The following GAS1 variants were observed in gnomAD, a reference collection of about 807,000 sequenced individuals.
GAS1 encodes growth arrest-specific protein 1.
In GAS1, 10 loss-of-function variants were observed where a neutral mutation model predicts 21.6. That is an observed-to-expected ratio of 0.46 (90% CI 0.29 to 0.79). GAS1 has a LOEUF of 0.79. Among genes scored for constraint, GAS1 ranks in the 30% least tolerant of loss-of-function variants. The pLI is 0.10. For missense variants in GAS1, 567 were observed against 544.3 expected (o/e 1.04, Z -0.42); for synonymous variants, 332 against 264.0 (o/e 1.26, Z -2.50).
rs1464187677 is a variant in GAS1 at position 86,945,873 on chromosome 9, A to C, written c.907T>G (p.Ser303Ala). Residue 303 changes from serine (S) to alanine (A), a missense_variant, in exon 1 of 1, where the codon TCG becomes GCG. By Grantham distance (99) the Ser-to-Ala change is moderately conservative. Coordinates refer to ENST00000298743, the MANE Select transcript of GAS1 (RefSeq NM_002048.3). Reference sequence around the variant, plus strand: ...TAGGGCAGGTCCCCGCGGCCGCCCGATGCAGCAGCGCCGCTGCCCGGGCGC... The same window carrying C: ...TAGGGCAGGTCCCCGCGGCCGCCCGCTGCAGCAGCGCCGCTGCCCGGGCGC... ...PPRPGSGAAA[S>A]GGRGDLPYGP... 1 of 1,491,582 alleles carries C rather than the reference A, an allele frequency of 6.7e-7. No homozygotes were observed. The highest frequency in any genetic ancestry group is 1.5e-5 in the African/African-American group (1 of 68,502). The allele number at this position is 1,491,582 out of a possible 1,614,324, so 92.4% of individuals were successfully genotyped here.
Position 86,946,517 on chromosome 9 carries a change from G to A in GAS1, c.263C>T (p.Ala88Val). The change falls in exon 1 of 1, where the codon GCC (alanine) becomes GTC (valine). Residue 88 changes from alanine (A) to valine (V), a missense_variant. Ala to Val is a moderately conservative substitution (Grantham distance 64, BLOSUM62 0). Transcript: ENST00000298743. This position sits in a 1 kb window ranked among gnomAD's most constrained non-coding sequence, Gnocchi z 5.2. Reference protein sequence around the residue: ...QHGGGDAPGAAAAAFPASAAS... With the variant: ...QHGGGDAPGAVAAAFPASAAS... ...GGCCGAGGCCGGGAAAGCGGCGGCGGCGGCCCCGGGCGCGTCGCCCCCGCC... is the reference window on the plus strand; with the variant it reads ...GGCCGAGGCCGGGAAAGCGGCGGCGACGGCCCCGGGCGCGTCGCCCCCGCC... 2 of 1,428,760 alleles carry A rather than the reference G, an allele frequency of 1.4e-6. No individual in the cohort carries two copies. Among genetic ancestry groups the A allele is most frequent in the Non-Finnish European group, 1.8e-6 (2 of 1,093,098 alleles). 88.5% of individuals were successfully genotyped at this position (1,428,760 alleles called of 1,614,324 possible). A position where few individuals can be genotyped will look rare whatever the true frequency, so the allele number is the denominator to read the frequency against.
At position 86,944,919 on chromosome 9, in the gene GAS1, A is replaced by T. The variant is rs1402920321; in HGVS notation, c.*823T>A. 1 of 152,194 alleles carries T rather than the reference A, an allele frequency of 6.6e-6. No homozygotes were observed. Among genetic ancestry groups the T allele is most frequent in the East Asian group, 1.9e-4 (1 of 5,192 alleles). 9.4% of individuals were successfully genotyped at this position (152,194 alleles called of 1,614,324 possible). ...CTTGATGTAAAGAACAAAAATGACA[A>T]AAAAACAAACATCATAAAGAGACTT... On this transcript the variant is annotated 3_prime_UTR_variant, in exon 1 of 1. Coordinates refer to ENST00000298743, the MANE Select transcript of GAS1 (RefSeq NM_002048.3).
chr9:86,945,919 G>A lies in GAS1; in HGVS notation c.861C>T (p.Asp287=). The change falls in exon 1 of 1, where the codon GAC becomes GAT. Residue 287 remains aspartate, a synonymous_variant. Transcript: ENST00000298743. ...GAGGEQPLDD[D]DGVPHPPRPG... is the part of the protein sequence containing the mutation. Reference sequence around the variant, plus strand: ...GGCGCGGTGGGTGCGGGACGCCGTCGTCGTCGTCCAGCGGCTGCTCACCAC... The same window carrying A: ...GGCGCGGTGGGTGCGGGACGCCGTCATCGTCGTCCAGCGGCTGCTCACCAC... 1.9e-6 allele frequency: 3 copies of A among 1,569,896 alleles called. No homozygotes were observed. Among genetic ancestry groups the A allele is most frequent in the South Asian group, 1.2e-5 (1 of 85,978 alleles).
rs1825504159 is a variant in GAS1 at position 86,946,750 on chromosome 9, G to A, written c.30C>T (p.Gly10=). MVAALLGGG[G]EARGGTVPGA... Reference sequence around the variant, plus strand: ...CCGGCACTGTCCCCCCGCGGGCCTCGCCGCCGCCGCCCAGCAGCGCGGCCA... The same window carrying A: ...CCGGCACTGTCCCCCCGCGGGCCTCACCGCCGCCGCCCAGCAGCGCGGCCA... The change falls in exon 1 of 1, where the codon GGC becomes GGT. Residue 10 remains glycine (G), a synonymous_variant. Transcript: ENST00000298743. The surrounding 1 kb of genome is among the most constrained non-coding windows in gnomAD (Gnocchi z 5.2). The A allele has an allele frequency of 2.5e-6, 3 of 1,180,954 alleles. No homozygotes were observed. Among genetic ancestry groups the A allele is most frequent in the South Asian group, 2.2e-5 (1 of 45,168 alleles). The allele number at this position is 1,180,954 out of a possible 1,614,324, so 73.2% of individuals were successfully genotyped here.
chr9:86,946,410 C>T lies in GAS1; in HGVS notation c.370G>A (p.Ala124Thr). Reference sequence around the variant, plus strand: ...TGCGCGCAGTCACAGTCCTCCAGGGCGGGCCCGCGGCGCGTGTGGTTGAGC... The same window carrying T: ...TGCGCGCAGTCACAGTCCTCCAGGGTGGGCCCGCGGCGCGTGTGGTTGAGC... ...IQLNHTRRGP[A>T]LEDCDCAQDE... is the part of the protein sequence containing the mutation. Residue 124 changes from alanine (A) to threonine (T), a missense_variant, in exon 1 of 1, where the codon GCC becomes ACC. Ala to Thr is a moderately conservative substitution (Grantham distance 58, BLOSUM62 0). Transcript: ENST00000298743. This position sits in a 1 kb window ranked among gnomAD's most constrained non-coding sequence, Gnocchi z 5.2. 2.0e-6 allele frequency: 3 copies of T among 1,489,706 alleles called. No individual in the cohort carries two copies. The highest frequency in any genetic ancestry group is 8.9e-7 in the Non-Finnish European group (1 of 1,123,992). 92.3% of individuals were successfully genotyped at this position (1,489,706 alleles called of 1,614,324 possible). A position where few individuals can be genotyped will look rare whatever the true frequency, so the allele number is the denominator to read the frequency against.
rs961226660 is a variant in GAS1 at position 86,944,768 on chromosome 9, T to C, written c.*974A>G. The C allele has an allele frequency of 3.3e-5, 5 of 152,208 alleles. No homozygotes were observed. In the South Asian group the frequency reaches 1.0e-3, roughly 31 times the overall value. The allele number at this position is 152,208 out of a possible 1,614,324, so 9.4% of individuals were successfully genotyped here. A position where few individuals can be genotyped will look rare whatever the true frequency, so the allele number is the denominator to read the frequency against. On this transcript the variant is annotated 3_prime_UTR_variant, in exon 1 of 1. Transcript: ENST00000298743. Reference sequence around the variant, plus strand: ...GCATACAATTTATAAAAATTCTATATACAAAGTACAGCAACTGGTAACAAA... The same window carrying C: ...GCATACAATTTATAAAAATTCTATACACAAAGTACAGCAACTGGTAACAAA...
In GAS1 at chr9:86,946,384, C is replaced by A. The variant is rs759982942; in HGVS notation, c.396G>T (p.Gln132His). ...GPALEDCDCA[Q>H]DENCKSTKRA... ...GCTTGGTGGACTTGCAGTTCTCGTCCTGCGCGCAGTCACAGTCCTCCAGGG... is the reference window on the plus strand; with the variant it reads ...GCTTGGTGGACTTGCAGTTCTCGTCATGCGCGCAGTCACAGTCCTCCAGGG... Residue 132 changes from glutamine (Q) to histidine (H), a missense_variant, in exon 1 of 1, where the codon CAG (glutamine) becomes CAT (histidine). By Grantham distance (24) the Gln-to-His change is conservative. Transcript: ENST00000298743. The surrounding 1 kb of genome is among the most constrained non-coding windows in gnomAD (Gnocchi z 5.2). 693 of 1,480,408 alleles carry A rather than the reference C, an allele frequency of 4.7e-4. No individual in the cohort carries two copies. Among genetic ancestry groups the A allele is most frequent in the Non-Finnish European group, 5.9e-4 (662 of 1,119,238 alleles). 91.7% of individuals were successfully genotyped at this position (1,480,408 alleles called of 1,614,324 possible).
Position 86,945,739 on chromosome 9 carries a change from G to A in GAS1, c.*3C>T. ...CCGCAGCCAACGGCGGGGGGCGCGA[G>A]GGCTAAAAGAGCGGCCCAAGCAGCA... On this transcript the variant is annotated 3_prime_UTR_variant, in exon 1 of 1. Coordinates refer to ENST00000298743, the MANE Select transcript of GAS1 (RefSeq NM_002048.3). The A allele has an allele frequency of 1.3e-6, 2 of 1,530,914 alleles. No homozygotes were observed. The highest frequency in any genetic ancestry group is 1.8e-6 in the Non-Finnish European group (2 of 1,139,706). 94.8% of individuals were successfully genotyped at this position (1,530,914 alleles called of 1,614,324 possible). A position where few individuals can be genotyped will look rare whatever the true frequency, so the allele number is the denominator to read the frequency against.
In GAS1 at chr9:86,946,357, G is replaced by T. The variant is rs1322217104; in HGVS notation, c.423C>A (p.Arg141=). 6.8e-7 allele frequency: 1 copy of T among 1,466,590 alleles called. No homozygotes were observed. Among genetic ancestry groups the T allele is most frequent in the Admixed American group, 2.3e-5 (1 of 43,928 alleles). 90.8% of individuals were successfully genotyped at this position (1,466,590 alleles called of 1,614,324 possible). The change falls in exon 1 of 1, where the codon CGC becomes CGA. Residue 141 remains arginine (R), a synonymous_variant. Coordinates refer to ENST00000298743, the MANE Select transcript of GAS1 (RefSeq NM_002048.3). The surrounding 1 kb of genome is among the most constrained non-coding windows in gnomAD (Gnocchi z 5.2). ...TCCGGGGCAGGCACGGCTCAATGGC[G>T]CGCTTGGTGGACTTGCAGTTCTCGT... is the stretch of plus-strand genomic sequence containing the variant. ...AQDENCKSTK[R]AIEPCLPRTS... is the part of the protein sequence containing the mutation.
Position 86,945,547 on chromosome 9 carries a change from G to A in GAS1, c.*195C>T, listed in dbSNP as rs1029973512. 6.6e-6 allele frequency: 3 copies of A among 454,820 alleles called. No homozygotes were observed. Among genetic ancestry groups the A allele is most frequent in the African/African-American group, 2.1e-5 (1 of 48,286 alleles). 28.2% of individuals were successfully genotyped at this position (454,820 alleles called of 1,614,324 possible). On this transcript the variant is annotated 3_prime_UTR_variant, in exon 1 of 1. Transcript: ENST00000298743. ...GAGGTCCAAGAAGTCAAGCTCCGGA[G>A]AGGAGCTTCAGGGGAAGTGCCCAGA...
Position 86,945,801 on chromosome 9 carries a change from G to A in GAS1, c.979C>T (p.Arg327Trp). 3 of 1,518,138 alleles carry A rather than the reference G, an allele frequency of 2.0e-6. No individual in the cohort carries two copies. The highest frequency in any genetic ancestry group is 2.5e-5 in the South Asian group (2 of 81,146). The allele number at this position is 1,518,138 out of a possible 1,614,324, so 94.0% of individuals were successfully genotyped here. The change falls in exon 1 of 1, where the codon CGG becomes TGG. Residue 327 changes from arginine to tryptophan, a missense_variant. Coordinates refer to ENST00000298743, the MANE Select transcript of GAS1 (RefSeq NM_002048.3). Reference sequence around the variant, plus strand: ...GAGGCGAGTGGGGTCCAGGCGCCCCGGGGCGCCAAGCGGCCGCCGCCGCCG... The same window carrying A: ...GAGGCGAGTGGGGTCCAGGCGCCCCAGGGCGCCAAGCGGCCGCCGCCGCCG... ...SSGGGGRLAP[R>W]GAWTPLASIL...
chr9:86,946,402 C>T lies in GAS1; in HGVS notation c.378G>A (p.Glu126=). The T allele has an allele frequency of 2.7e-6, 4 of 1,488,722 alleles. No homozygotes were observed. Among genetic ancestry groups the T allele is most frequent in the South Asian group, 1.2e-5 (1 of 80,310 alleles). The allele number at this position is 1,488,722 out of a possible 1,614,324, so 92.2% of individuals were successfully genotyped here. ...LNHTRRGPAL[E]DCDCAQDENC... Reference sequence around the variant, plus strand: ...TCTCGTCCTGCGCGCAGTCACAGTCCTCCAGGGCGGGCCCGCGGCGCGTGT... The same window carrying T: ...TCTCGTCCTGCGCGCAGTCACAGTCTTCCAGGGCGGGCCCGCGGCGCGTGT... The change falls in exon 1 of 1, where the codon GAG becomes GAA. Residue 126 remains glutamate (E), a synonymous_variant. Transcript: ENST00000298743. The surrounding 1 kb of genome is among the most constrained non-coding windows in gnomAD (Gnocchi z 5.2).
At position 86,946,159 on chromosome 9, in the gene GAS1, AAT is replaced by A; in HGVS notation, c.619_620del (p.Ile207Ter). Reference protein sequence around the residue: ...LRCTDECRTVIEDMLAMPKAA... With the variant: ...LRCTDECRTVXEDMLAMPKAA... Reference sequence around the variant, plus strand: ...CCTTGGGCATAGCCAGCATGTCCTCAATGACGGTGCGGCATTCGTCCGTGCAG... The same window carrying A: ...CCTTGGGCATAGCCAGCATGTCCTCAGACGGTGCGGCATTCGTCCGTGCAG... On this transcript the variant is annotated frameshift_variant, in exon 1 of 1. Transcript: ENST00000298743. LOFTEE classifies it high-confidence loss of function. The surrounding 1 kb of genome is among the most constrained non-coding windows in gnomAD (Gnocchi z 5.2). 6.2e-7 allele frequency: 1 copy of A among 1,608,426 alleles called. No individual in the cohort carries two copies. The highest frequency in any genetic ancestry group is 8.5e-7 in the Non-Finnish European group (1 of 1,179,604).
In GAS1 at chr9:86,944,630, T is replaced by G. The variant is rs1432293157; in HGVS notation, c.*1112A>C. The stretch of plus-strand genomic sequence containing the variant: ...ATATAGCACACTTCACAATGGACTG[T>G]GGGTTTTGATTCCTGATGACAAATG... On this transcript the variant is annotated 3_prime_UTR_variant, in exon 1 of 1. Transcript: ENST00000298743. 6.6e-6 allele frequency: 1 copy of G among 152,210 alleles called. No individual in the cohort carries two copies. Among genetic ancestry groups the G allele is most frequent in the Non-Finnish European group, 1.5e-5 (1 of 68,036 alleles). 9.4% of individuals were successfully genotyped at this position (152,210 alleles called of 1,614,324 possible).
chr9:86,946,683 A>G lies in GAS1; in HGVS notation c.97T>C (p.Ser33Pro). 7.1e-7 allele frequency: 1 copy of G among 1,417,146 alleles called. No individual in the cohort carries two copies. Among genetic ancestry groups the G allele is most frequent in the Non-Finnish European group, 9.2e-7 (1 of 1,084,600 alleles). 87.8% of individuals were successfully genotyped at this position (1,417,146 alleles called of 1,614,324 possible). Reference sequence around the variant, plus strand: ...GCCAGCCCCGATCCCCGCGGCGCCGAGCCCAGCAGCTGCAGCAGCGCCATC... The same window carrying G: ...GCCAGCCCCGATCCCCGCGGCGCCGGGCCCAGCAGCTGCAGCAGCGCCATC... ...CLMALLQLLG[S>P]APRGSGLAHG... The change falls in exon 1 of 1, where the codon TCG becomes CCG. Residue 33 changes from serine (S) to proline (P), a missense_variant. Transcript: ENST00000298743. This position sits in a 1 kb window ranked among gnomAD's most constrained non-coding sequence, Gnocchi z 5.2.
rs1469945534 is a variant in GAS1, at chr9:86,947,494, G to A, written c.-715C>T. ...GACCAAGAGCCCGGGGAGCGGATCC[G>A]CTGAGCCCGGCTGCAGACTCGTTAG... On this transcript the variant is annotated 5_prime_UTR_variant, in exon 1 of 1. Coordinates refer to ENST00000298743, the MANE Select transcript of GAS1 (RefSeq NM_002048.3). 2.0e-5 allele frequency among the ~76,000 whole-genome samples: 3 copies of A among 152,176 alleles called. No individual in the cohort carries two copies. The highest frequency in any genetic ancestry group is 4.4e-5 in the Non-Finnish European group (3 of 68,036).
In GAS1 at chr9:86,944,880, T is replaced by G. The variant is rs1253591247; in HGVS notation, c.*862A>C. The G allele has an allele frequency of 1.3e-5, 2 of 152,146 alleles. No individual in the cohort carries two copies. The highest frequency in any genetic ancestry group is 2.9e-5 in the Non-Finnish European group (2 of 68,034). 9.4% of individuals were successfully genotyped at this position (152,146 alleles called of 1,614,324 possible). On this transcript the variant is annotated 3_prime_UTR_variant, in exon 1 of 1. Coordinates refer to ENST00000298743, the MANE Select transcript of GAS1 (RefSeq NM_002048.3). ...AGGCAATATACATTCTCCGCATATT[T>G]AAACATAAAATTTCTTGATGTAAAG...
In GAS1 at chr9:86,946,296, C is replaced by T. The variant is rs1269782536; in HGVS notation, c.484G>A (p.Gly162Arg). Residue 162 changes from glycine (G) to arginine (R), a missense_variant, in exon 1 of 1, where the codon GGG becomes AGG. By Grantham distance (125) the Gly-to-Arg change is moderately radical. Transcript: ENST00000298743. The surrounding 1 kb of genome is among the most constrained non-coding windows in gnomAD (Gnocchi z 5.2). ...GGGAGGPGAG[G>R]VMGCTEARRR... is the part of the protein sequence containing the mutation. ...CGGGCCTCGGTGCAGCCCATGACCC[C>T]GCCCGCGCCGGGGCCGCCCGCGCCG... 1 of 1,438,884 alleles carries T rather than the reference C, an allele frequency of 6.9e-7. No homozygotes were observed. Among genetic ancestry groups the T allele is most frequent in the South Asian group, 1.4e-5 (1 of 70,724 alleles). The allele number at this position is 1,438,884 out of a possible 1,614,324, so 89.1% of individuals were successfully genotyped here. A position where few individuals can be genotyped will look rare whatever the true frequency, so the allele number is the denominator to read the frequency against.
In GAS1 at chr9:86,944,527, C is replaced by A. The variant is rs1238861261; in HGVS notation, c.*1215G>T. ...GAAATGCATTTGTACATTTCTACAA[C>A]GTCCATAAATTCTCTTGAAAATAAG... On this transcript the variant is annotated 3_prime_UTR_variant, in exon 1 of 1. Transcript: ENST00000298743. 4 of 152,138 alleles carry A rather than the reference C, an allele frequency of 2.6e-5. No individual in the cohort carries two copies. The highest frequency in any genetic ancestry group is 9.7e-5 in the African/African-American group (4 of 41,422). 9.4% of individuals were successfully genotyped at this position (152,138 alleles called of 1,614,324 possible).
Sources: gnomAD v4.1 joint callset for allele counts (sites outside exome capture counted in the v4.1 genomes callset) on GRCh38, gnomAD v4.1.1 for gene constraint, Gnocchi (gnomAD v3.1) non-coding constraint, MANE v1.5 for transcripts, NCBI Gene and HGNC (gene_info 2026-07-23, HGNC 2026-07-21) for gene names.